Variants in UBASH3B observed in about 807,000 individuals in gnomAD.
UBASH3B encodes ubiquitin-associated and SH3 domain-containing protein B.
UBASH3B carries 37 observed loss-of-function variants against 83.4 expected under a neutral mutation model. The ratio of observed to expected loss-of-function variants is 0.44; its 90% CI spans 0.34 to 0.58. The LOEUF is 0.58. Ranked by LOEUF, UBASH3B falls within the 20% of genes least tolerant of loss-of-function variation. The probability of loss-of-function intolerance (pLI) is 0.01; values close to 1 mark genes in which losing one functional copy is unlikely to be tolerated. For synonymous variants in UBASH3B, 304 were observed against 318.3 expected (o/e 0.96, Z 0.48); for missense variants, 657 against 827.2 (o/e 0.79, Z 2.52).
At chr11:122,757,880 A>AT (rs1468778036) in intron 1 of UBASH3B, among the ~76,000 whole-genome samples, 3 of 151,728 alleles carry the variant, frequency 2.0e-5, no homozygotes, top group Non-Finnish European at 2.9e-5. Context: ...CACCCAGCTA[A>AT]TTTTTGTATT....
At chr11:122,802,313 G>GA (rs147011358) in intron 11 of UBASH3B, among the ~76,000 whole-genome samples, 5,262 of 65,288 alleles carry the variant, frequency 0.081, 308 homozygotes, top group African/African-American at 0.12. Flanking sequence ...GACTCTGTCT[G>GA]AAAAAAAAAA....
chr11:122,658,508 TGTTCTAA>T (rs1326602489), intron 1 of UBASH3B, among the ~76,000 whole-genome samples: 1 of 152,242 alleles, frequency 6.6e-6, no homozygotes, highest in Non-Finnish European at 1.5e-5. Context: ...TACTCCATAC[TGTTCTAA>T]GTACTTATAT....
intron 1 of UBASH3B, among the ~76,000 whole-genome samples, chr11:122,702,472 G>A (rs1309065828): frequency 6.6e-6 from 1 of 151,670 alleles, no homozygotes; most frequent in Non-Finnish European, 1.5e-5. Flanking sequence ...CAAGAAACGT[G>A]TTTGGAGTTT....
chr11:122,703,297 G>C (rs962855389), intron 1 of UBASH3B, among the ~76,000 whole-genome samples: 1 of 151,912 alleles, frequency 6.6e-6, no homozygotes, highest in African/African-American at 2.4e-5. Context: ...CGTGGTGGTG[G>C]GTGCCTGTAG....
At chr11:122,756,647 A>G (rs1861287490) in intron 1 of UBASH3B, among the ~76,000 whole-genome samples, 1 of 152,168 alleles carries the variant, frequency 6.6e-6, no homozygotes, top group Non-Finnish European at 1.5e-5. Flanking sequence ...AAGTCAAAGG[A>G]GGAAGTTAGA....
chr11:122,752,435 A>G (rs1205391797), intron 1 of UBASH3B, among the ~76,000 whole-genome samples: 4 of 152,176 alleles, frequency 2.6e-5, no homozygotes, highest in Non-Finnish European at 5.9e-5. Flanking sequence ...ACCAGGTGCA[A>G]TTTGCAGAGC....
At chr11:122,694,950 C>CTTTTTTTTTTT (rs1863944579) in intron 1 of UBASH3B, among the ~76,000 whole-genome samples, 1 of 77,122 alleles carries the variant, frequency 1.3e-5, no homozygotes, top group African/African-American at 4.5e-5. Flanking sequence ...CTTTTCTTTT[C>CTTTTTTTTTTT]TTTCTTTTTT....
intron 1 of UBASH3B, among the ~76,000 whole-genome samples, chr11:122,768,876 T>C (rs1860596929): frequency 6.6e-6 from 1 of 152,188 alleles, no homozygotes; most frequent in African/African-American, 2.4e-5. Flanking sequence ...CTCAGTACAC[T>C]GATTTATGGA....
chr11:122,716,595 G>A (rs985499067), intron 1 of UBASH3B, among the ~76,000 whole-genome samples: 2 of 152,154 alleles, frequency 1.3e-5, no homozygotes, highest in East Asian at 3.9e-4. Context: ...ACATCAGGAT[G>A]TCCTTTCACC....
chr11:122,737,782 A>T (rs1008505196), intron 1 of UBASH3B, among the ~76,000 whole-genome samples: 1 of 130,388 alleles, frequency 7.7e-6, no homozygotes, highest in African/African-American at 2.5e-5. Context: ...TCTAGTAAGG[A>T]ATAGGTCAGG....
intron 1 of UBASH3B, among the ~76,000 whole-genome samples, chr11:122,721,554 C>G (rs1860639020): frequency 2.0e-5 from 3 of 152,180 alleles, no homozygotes; most frequent in Non-Finnish European, 4.4e-5. Flanking sequence ...GATGGTTTCC[C>G]TGAAAGAATC....
intron 1 of UBASH3B, among the ~76,000 whole-genome samples, chr11:122,661,508 A>C (rs1863437525): frequency 6.6e-6 from 1 of 152,148 alleles, no homozygotes; most frequent in African/African-American, 2.4e-5. Context: ...CCTTGGATAG[A>C]CAGAAAGAGG....
chr11:122,779,717 C>G (rs1251174408), intron 4 of UBASH3B, 22 bp downstream of exon 4: 1 of 1,613,712 alleles, frequency 6.2e-7, no homozygotes, highest in Non-Finnish European at 8.5e-7. Context: ...GCTGCCAGGC[C>G]AGCCCTGGGC....
At chr11:122,771,787 ACACT>A (rs1404858735) in intron 1 of UBASH3B, among the ~76,000 whole-genome samples, 56 of 139,176 alleles carry the variant, frequency 4.0e-4, no homozygotes, top group South Asian at 4.7e-4. Context: ...ACACACACAC[ACACT>A]AAAATAATAA....
intron 11 of UBASH3B, among the ~76,000 whole-genome samples, chr11:122,803,786 A>G (rs2135187055): frequency 6.6e-6 from 1 of 152,118 alleles, no homozygotes; most frequent in Middle Eastern, 3.4e-3. Context: ...CAGAGAGTAT[A>G]TGGGGGAGGA....
chr11:122,664,969 C>T (rs574584790), intron 1 of UBASH3B, among the ~76,000 whole-genome samples: 5 of 152,154 alleles, frequency 3.3e-5, no homozygotes, highest in African/African-American at 7.2e-5. Context: ...AGTGCGGTGG[C>T]GCAATCTCAG....
chr11:122,680,169 G>A (rs1565526671), intron 1 of UBASH3B, among the ~76,000 whole-genome samples: 1 of 152,168 alleles, frequency 6.6e-6, no homozygotes, highest in Non-Finnish European at 1.5e-5. Context: ...AACCATCTTA[G>A]CTCACAGGCT....
At chr11:122,677,235 T>C (rs1863680434) in intron 1 of UBASH3B, among the ~76,000 whole-genome samples, 1 of 152,160 alleles carries the variant, frequency 6.6e-6, no homozygotes, top group Non-Finnish European at 1.5e-5. Context: ...TGTGCATGGG[T>C]TATATGCAAA....
chr11:122,780,144 G>C (rs750419804), intron 4 of UBASH3B, among the ~76,000 whole-genome samples: 3 of 152,136 alleles, frequency 2.0e-5, no homozygotes, highest in Non-Finnish European at 4.4e-5. Flanking sequence ...AGAGAGAAGA[G>C]TGGAAGCACT....
Sources: gnomAD v4.1 joint callset for allele counts (sites outside exome capture counted in the v4.1 genomes callset) on GRCh38, gnomAD v4.1.1 for gene constraint, MANE v1.5 for transcripts, NCBI Gene and HGNC (gene_info 2026-07-23, HGNC 2026-07-21) for gene names.